The following ABTB1 variants were observed in gnomAD, a reference collection of about 807,000 sequenced individuals.
ABTB1 encodes ankyrin repeat and BTB/POZ domain-containing protein 1.
Under a neutral mutation model 57.1 loss-of-function variants are expected in ABTB1, and 45 were observed. The observed-to-expected ratio is 0.79, with a 90% confidence interval of 0.62 to 1.01. The LOEUF (loss-of-function observed/expected upper bound fraction) is 1.01. ABTB1 is among the 50% of genes least tolerant of loss of function. ABTB1 has a pLI of 0.00. For synonymous variants in ABTB1, 302 were observed against 275.4 expected (o/e 1.10, Z -0.95); for missense variants, 630 against 666.3 (o/e 0.95, Z 0.60).
At position 127,677,831 on chromosome 3, in the gene ABTB1, C is replaced by T. The variant is rs370969628; in HGVS notation, c.1017C>T (p.Ser339=). ...CTCACGTGCTCTACTACATGTACAG[C>T]GACCACACTGAGGTGGGGGCTCAGG... ...VFTHVLYYMY[S]DHTELSPEAA... Residue 339 remains serine, a synonymous_variant, in exon 10 of 12, where the codon AGC becomes AGT. Coordinates refer to ENST00000232744, the MANE Select transcript of ABTB1 (RefSeq NM_172027.3). 8.1e-6 allele frequency: 13 copies of T among 1,611,864 alleles called. No homozygotes were observed. Among genetic ancestry groups the T allele is most frequent in the South Asian group, 2.2e-5 (2 of 90,890 alleles).
chr3:127,679,566 C>T (rs1394435808), intron 10 of ABTB1: 1 of 461,402 alleles, frequency 2.2e-6, no homozygotes, highest in Non-Finnish European at 4.3e-6. Context: ...TCCCACCATT[C>T]TGACAGCCCC....
chr3:127,673,178 G>C, intron 1 of ABTB1, 97 bp downstream of exon 1: 2 of 1,287,986 alleles, frequency 1.6e-6, no homozygotes, highest in Non-Finnish European at 1.0e-6. Flanking sequence ...CGGAGAGGCG[G>C]GCGCCTCTGC....
chr3:127,679,473 C>T, intron 10 of ABTB1: 1 of 455,514 alleles, frequency 2.2e-6, no homozygotes, highest in Non-Finnish European at 4.4e-6. Context: ...TGTGTCCCCA[C>T]AGCCTCTTGA....
intron 1 of ABTB1, 42 bp from the exon 2 acceptor site, chr3:127,674,349 T>C (rs2074925883): frequency 6.3e-7 from 1 of 1,582,956 alleles, no homozygotes; most frequent in Non-Finnish European, 8.6e-7. Flanking sequence ...TCTCAGACCA[T>C]GAACCCGTCC....
At position 127,674,379 on chromosome 3, in the gene ABTB1, C is replaced by A; in HGVS notation, c.57-12C>A. ...CCGTCCTGACCCAGGCTCTGACCTCCTTCCTGCCCAGGTACCTGCTGGAGC... is the reference window on the plus strand; with the variant it reads ...CCGTCCTGACCCAGGCTCTGACCTCATTCCTGCCCAGGTACCTGCTGGAGC... On this transcript the variant is annotated splice_polypyrimidine_tract_variant and intron_variant, in intron 1 of 11. Transcript: ENST00000232744. The A allele has an allele frequency of 6.2e-7, 1 of 1,603,784 alleles. No homozygotes were observed. Among genetic ancestry groups the A allele is most frequent in the South Asian group, 1.1e-5 (1 of 89,308 alleles).
At chr3:127,678,114 A>G in intron 10 of ABTB1, 7 of 239,208 alleles carry the variant, frequency 2.9e-5, no homozygotes, top group East Asian at 1.1e-4. Flanking sequence ...CTCTAGCAGG[A>G]GGGTGGAGGG....
intron 3 of ABTB1, 87 bp from the exon 4 acceptor site, chr3:127,675,883 G>A (rs2074968944): frequency 2.6e-6 from 4 of 1,520,728 alleles, no homozygotes; most frequent in Middle Eastern, 2.3e-4. Context: ...GGAGCCCCAT[G>A]TGTGGGAAGG....
chr3:127,673,179 G>C, intron 1 of ABTB1, 98 bp downstream of exon 1: 3 of 1,280,468 alleles, frequency 2.3e-6, no homozygotes, highest in Non-Finnish European at 3.0e-6. Flanking sequence ...GGAGAGGCGG[G>C]CGCCTCTGCC....
Position 127,680,690 on chromosome 3 carries a change from C to G in ABTB1, c.*215C>G. 1 of 720,596 alleles carries G rather than the reference C, an allele frequency of 1.4e-6. No individual in the cohort carries two copies. The highest frequency in any genetic ancestry group is 2.4e-6 in the Non-Finnish European group (1 of 411,140). 44.6% of individuals were successfully genotyped at this position (720,596 alleles called of 1,614,324 possible). ...CCCTCCCCCCAATGCACAAGCCAGCCCCCAAGACCCTGGGGGTGGACACCA... is the reference window on the plus strand; with the variant it reads ...CCCTCCCCCCAATGCACAAGCCAGCGCCCAAGACCCTGGGGGTGGACACCA... On this transcript the variant is annotated 3_prime_UTR_variant, in exon 12 of 12. Coordinates refer to ENST00000232744, the MANE Select transcript of ABTB1 (RefSeq NM_172027.3).
Position 127,674,531 on chromosome 3 carries a change from C to T in ABTB1, c.120-14C>T, listed in dbSNP as rs1416613106. On this transcript the variant is annotated splice_polypyrimidine_tract_variant and intron_variant, in intron 2 of 11. Transcript: ENST00000232744. ...CACTGAGGACTGCCTCCTGTACTTC[C>T]TTCCTCCCTTCAGGTACTATGCCTG... The T allele has an allele frequency of 3.1e-6, 5 of 1,614,166 alleles. No homozygotes were observed. The highest frequency in any genetic ancestry group is 4.2e-6 in the Non-Finnish European group (5 of 1,180,028).
rs200463929 is a variant in ABTB1 at position 127,677,532 on chromosome 3, G to A, written c.830G>A (p.Arg277Gln). ...AACAGCTGCCCTGACATCTGCTTCC[G>A]AGTGGCTGGCTGCAGCTTCCTCTGC... Reference protein sequence around the residue: ...GFNSCPDICFRVAGCSFLCHK... With the variant: ...GFNSCPDICFQVAGCSFLCHK... Residue 277 changes from arginine (R) to glutamine (Q), a missense_variant, in exon 9 of 12, where the codon CGA (arginine) becomes CAA (glutamine). This residue lies in a region of ABTB1 where 579 missense variants were observed against 585.9 expected (regional missense o/e 0.99). Coordinates refer to ENST00000232744, the MANE Select transcript of ABTB1 (RefSeq NM_172027.3). 734 of 1,613,922 alleles carry A rather than the reference G, an allele frequency of 4.5e-4. 3 individuals carry two copies. The South Asian group carries it at 6.6e-3, about 14-fold the overall frequency.
Position 127,677,216 on chromosome 3 carries a change from C to A in ABTB1, c.692C>A (p.Pro231Gln). The A allele has an allele frequency of 1.2e-6, 2 of 1,609,714 alleles. No individual in the cohort carries two copies. Among genetic ancestry groups the A allele is most frequent in the Non-Finnish European group, 1.7e-6 (2 of 1,178,236 alleles). Residue 231 changes from proline to glutamine, a missense_variant, in exon 8 of 12, where the codon CCA (proline) becomes CAA (glutamine). Coordinates refer to ENST00000232744, the MANE Select transcript of ABTB1 (RefSeq NM_172027.3). ...TCVKVLTIEPPPADPRLREDM... is the reference protein window; with the variant it reads ...TCVKVLTIEPQPADPRLREDM... ...GTGAAGGTGCTGACCATCGAGCCCC[C>A]ACCTGCAGACCCCCGCCTCCGGGAG...
chr3:127,675,658 C>CAGGG lies in ABTB1; in HGVS notation c.176-310_176-307dup, dbSNP rs1263778549. On this transcript the variant is annotated intron_variant, in intron 3 of 11. Coordinates refer to ENST00000232744, the MANE Select transcript of ABTB1 (RefSeq NM_172027.3). ...TCACTAGAGTATAAGTTCAGCAGGA[C>CAGGG]AGGGACCTGTGTCTCGTTCACTGCT... 3 of 419,794 alleles carry CAGGG rather than the reference C, an allele frequency of 7.1e-6. No individual in the cohort carries two copies. In the East Asian group the frequency reaches 1.2e-4, roughly 16 times the overall value. The allele number at this position is 419,794 out of a possible 1,614,324, so 26.0% of individuals were successfully genotyped here.
At position 127,677,587 on chromosome 3, in the gene ABTB1, C is replaced by T. The variant is rs545846539; in HGVS notation, c.861+24C>T. On this transcript the variant is annotated intron_variant, in intron 9 of 11. Coordinates refer to ENST00000232744, the MANE Select transcript of ABTB1 (RefSeq NM_172027.3). Reference sequence around the variant, plus strand: ...AGGTGCCTGTGCCCTCCTGTTGCCCCTGGCCCCAGCCCGTTGCCCTGAGCC... The same window carrying T: ...AGGTGCCTGTGCCCTCCTGTTGCCCTTGGCCCCAGCCCGTTGCCCTGAGCC... The T allele has an allele frequency of 1.9e-6, 3 of 1,613,784 alleles. No homozygotes were observed. The African/African-American group carries it at 4.0e-5, about 22-fold the overall frequency.
At chr3:127,679,860 T>C in intron 10 of ABTB1, 125 bp from the exon 11 acceptor site, 1 of 759,464 alleles carries the variant, frequency 1.3e-6, no homozygotes, top group African/African-American at 1.8e-5. Flanking sequence ...CGCAGGGAGC[T>C]CCTACTCCCA....
chr3:127,679,608 G>A (rs2075075289), intron 10 of ABTB1: 1 of 477,846 alleles, frequency 2.1e-6, no homozygotes, highest in African/African-American at 2.0e-5. Context: ...ATACCTCATG[G>A]ACTGGGAACT....
rs572690291 is a variant in ABTB1, at chr3:127,674,779, C to T, written c.175+179C>T. On this transcript the variant is annotated intron_variant, in intron 3 of 11. Coordinates refer to ENST00000232744, the MANE Select transcript of ABTB1 (RefSeq NM_172027.3). ...TTATTGCTACTTTAAAACCTTTTCT[C>T]TGTCCACCTTGCCCATCTCTACTTC... 3.9e-5 allele frequency among the ~76,000 whole-genome samples: 6 copies of T among 152,392 alleles called. No homozygotes were observed. The South Asian group carries it at 6.2e-4, about 16-fold the overall frequency.
At chr3:127,674,707 A>G in intron 3 of ABTB1, 107 bp downstream of exon 3, 1 of 1,347,978 alleles carries the variant, frequency 7.4e-7, no homozygotes. Context: ...ACATTTGCAA[A>G]GCACCACGAT....
chr3:127,673,062 G>A lies in ABTB1; in HGVS notation c.37G>A (p.Gly13Arg), dbSNP rs781640541. The part of the protein sequence containing the change: ...TSDLFASCRK[G>R]DVGRVRYLLE... ...CGACCTGTTCGCCAGCTGCAGGAAG[G>A]GGGATGTGGGCCGAGTGCGGTGAGG... The change falls in exon 1 of 12, where the codon GGG becomes AGG. Residue 13 changes from glycine (G) to arginine (R), a missense_variant. Gly to Arg is a moderately radical substitution (Grantham distance 125). This residue lies in a region of ABTB1 where 579 missense variants were observed against 585.9 expected (regional missense o/e 0.99). Coordinates refer to ENST00000232744, the MANE Select transcript of ABTB1 (RefSeq NM_172027.3). 1.3e-5 allele frequency: 21 copies of A among 1,576,846 alleles called. No individual in the cohort carries two copies. In the Admixed American group the frequency reaches 1.6e-4, roughly 12 times the overall value.
Sources: gnomAD v4.1 joint callset for allele counts (sites outside exome capture counted in the v4.1 genomes callset) on GRCh38, gnomAD v4.1.1 for gene constraint, gnomAD v4.1.1 regional missense constraint, MANE v1.5 for transcripts, NCBI Gene and HGNC (gene_info 2026-07-23, HGNC 2026-07-21) for gene names.